NEK6: variants seen among roughly 807,000 people sequenced by gnomAD.
NEK6 encodes NIMA related kinase 6.
NEK6 carries 27 observed loss-of-function variants against 43.5 expected under a neutral mutation model. The ratio of observed to expected loss-of-function variants is 0.62; its 90% CI spans 0.46 to 0.86. NEK6 has a LOEUF of 0.86. Ranked by LOEUF, NEK6 falls within the 40% of genes least tolerant of loss-of-function variation. NEK6 has a pLI of 0.00. For synonymous variants in NEK6, 167 were observed against 164.1 expected (o/e 1.02, Z -0.14); for missense variants, 318 against 414.4 (o/e 0.77, Z 2.02).
At chr9:124,318,012 C>T (rs1466597242) in intron 4 of NEK6, among the ~76,000 whole-genome samples, 2 of 152,152 alleles carry the variant, frequency 1.3e-5, no homozygotes, top group Non-Finnish European at 2.9e-5. Flanking sequence ...TTTGGTAGAA[C>T]CATTTATATT....
At chr9:124,341,429 CAA>C (rs1177722142) in intron 8 of NEK6, among the ~76,000 whole-genome samples, 1 of 6,056 alleles carries the variant, frequency 1.7e-4, no homozygotes, top group Non-Finnish European at 2.2e-3. Flanking sequence ...ATGCAGGTGA[CAA>C]GAGGGTGGGA....
At chr9:124,310,029 G>C (rs1323114584) in intron 2 of NEK6, among the ~76,000 whole-genome samples, 1 of 152,206 alleles carries the variant, frequency 6.6e-6, no homozygotes, top group Non-Finnish European at 1.5e-5. Flanking sequence ...GCTGGAGCAG[G>C]AAGTGGCAGG....
Position 124,290,420 on chromosome 9 carries a change from T to C in NEK6, c.-29-11516T>C, listed in dbSNP as rs1832362974. Among the ~76,000 whole-genome samples, 5 of 152,206 alleles carry C rather than the reference T, an allele frequency of 3.3e-5. No homozygotes were observed. The South Asian group carries it at 8.3e-4, about 25-fold the overall frequency. ...CTGGCACCTGGCATGTGCCCGACAG[T>C]TGGGGCCGGCTGGTGGGAAGGTGTG... On this transcript the variant is annotated intron_variant, in intron 1 of 9. Transcript: ENST00000320246.
At chr9:124,276,304 G>C (rs1369632267) in intron 1 of NEK6, among the ~76,000 whole-genome samples, 1 of 152,118 alleles carries the variant, frequency 6.6e-6, no homozygotes, top group African/African-American at 2.4e-5. Flanking sequence ...GGTGACTGGG[G>C]CAAGGGTGGG....
intron 1 of NEK6, 169 bp downstream of exon 1, chr9:124,258,254 C>A: frequency 2.0e-6 from 2 of 983,278 alleles, no homozygotes; most frequent in Non-Finnish European, 1.2e-6. Context: ...CGGGGCTGAG[C>A]GTGTCGGCGG....
intron 5 of NEK6, among the ~76,000 whole-genome samples, chr9:124,323,039 G>T (rs1033986945): frequency 1.5e-4 from 11 of 71,776 alleles, no homozygotes; most frequent in Admixed American, 1.4e-3. Context: ...CCTTCACACG[G>T]ATTCCCTTGC....
intron 8 of NEK6, among the ~76,000 whole-genome samples, chr9:124,341,104 G>A (rs1192135273): frequency 6.6e-6 from 1 of 152,014 alleles, no homozygotes; most frequent in African/African-American, 2.4e-5. Context: ...GGGCAGTGGC[G>A]CAATCTCGGC....
intron 7 of NEK6, among the ~76,000 whole-genome samples, chr9:124,332,745 C>T (rs943272078): frequency 1.3e-5 from 2 of 152,194 alleles, no homozygotes; most frequent in Admixed American, 6.5e-5. Context: ...ACAGGACCGG[C>T]GCATCTTGGG....
At chr9:124,347,902 C>G in intron 9 of NEK6, 80 bp downstream of exon 9, 1 of 804,342 alleles carries the variant, frequency 1.2e-6, no homozygotes, top group East Asian at 2.6e-5. Context: ...AACACCACAG[C>G]TGTGGGGCTG....
rs573112423 is a variant in NEK6, at chr9:124,295,988, G to A, written c.-29-5948G>A. The stretch of plus-strand genomic sequence containing the variant: ...TGTCTTGGGAGATGCCGTTTCACCC[G>A]TGGATGTTGGCTGATGTTGAAGTTG... On this transcript the variant is annotated intron_variant, in intron 1 of 9. Transcript: ENST00000320246. Among the ~76,000 whole-genome samples the A allele has an allele frequency of 7.9e-5, 12 of 152,372 alleles. No homozygotes were observed. In the East Asian group the frequency reaches 1.2e-3, roughly 15 times the overall value.
rs959584389 is a variant in NEK6, at chr9:124,351,275, T to G, written c.*328T>G. 3.5e-5 allele frequency: 9 copies of G among 259,792 alleles called. No homozygotes were observed. The highest frequency in any genetic ancestry group is 6.8e-5 in the Non-Finnish European group (9 of 132,842). The allele number at this position is 259,792 out of a possible 1,614,324, so 16.1% of individuals were successfully genotyped here. A position where few individuals can be genotyped will look rare whatever the true frequency, so the allele number is the denominator to read the frequency against. ...TAATGTGAATCTTTAGGGTAATTCC[T>G]CCAGTGACCTGTCAAGGCTTATGCT... On this transcript the variant is annotated 3_prime_UTR_variant, in exon 10 of 10. Coordinates refer to ENST00000320246, the MANE Select transcript of NEK6 (RefSeq NM_014397.6).
chr9:124,302,481 C>A (rs1022356374), intron 2 of NEK6, among the ~76,000 whole-genome samples: 7 of 152,240 alleles, frequency 4.6e-5, no homozygotes, highest in Admixed American at 2.0e-4. Context: ...TTGGTCTTAA[C>A]TGTGTTTCAG....
chr9:124,283,076 G>A (rs1251421859), intron 1 of NEK6, among the ~76,000 whole-genome samples: 1 of 152,216 alleles, frequency 6.6e-6, no homozygotes, highest in African/African-American at 2.4e-5. Context: ...TTTCCGCCCT[G>A]ACAACTCCCT....
chr9:124,351,841 T>C lies in NEK6; in HGVS notation c.*894T>C, dbSNP rs1335633654. On this transcript the variant is annotated 3_prime_UTR_variant, in exon 10 of 10. Coordinates refer to ENST00000320246, the MANE Select transcript of NEK6 (RefSeq NM_014397.6). ...TGTACAATGAGATTAATAGTACCTATCATCTACCTTCAGGATTGCTGACAG... is the reference window on the plus strand; with the variant it reads ...TGTACAATGAGATTAATAGTACCTACCATCTACCTTCAGGATTGCTGACAG... 1.3e-5 allele frequency: 2 copies of C among 152,258 alleles called. No homozygotes were observed. Among genetic ancestry groups the C allele is most frequent in the Non-Finnish European group, 2.9e-5 (2 of 68,044 alleles). 9.4% of individuals were successfully genotyped at this position (152,258 alleles called of 1,614,324 possible). A position where few individuals can be genotyped will look rare whatever the true frequency, so the allele number is the denominator to read the frequency against.
chr9:124,318,717 G>A (rs1833931183), intron 4 of NEK6, among the ~76,000 whole-genome samples: 1 of 151,970 alleles, frequency 6.6e-6, no homozygotes, highest in Non-Finnish European at 1.5e-5. Flanking sequence ...AGCCACCCAG[G>A]CTGGAGTGCA....
At chr9:124,297,078 G>A (rs1007018262) in intron 1 of NEK6, among the ~76,000 whole-genome samples, 2 of 152,228 alleles carry the variant, frequency 1.3e-5, no homozygotes, top group East Asian at 1.9e-4. Context: ...TGATGAAGAC[G>A]TTTGCTCCAG....
At chr9:124,277,352 A>G (rs1234195634) in intron 1 of NEK6, among the ~76,000 whole-genome samples, 1 of 152,254 alleles carries the variant, frequency 6.6e-6, no homozygotes, top group Non-Finnish European at 1.5e-5. Flanking sequence ...AGGCTGAGGC[A>G]GGAGAATCTC....
In NEK6 at chr9:124,320,725, C is replaced by T. The variant is rs965443693; in HGVS notation, c.295-734C>T. On this transcript the variant is annotated intron_variant, in intron 4 of 9. Coordinates refer to ENST00000320246, the MANE Select transcript of NEK6 (RefSeq NM_014397.6). The stretch of plus-strand genomic sequence containing the variant: ...TGCAGCAAACATGCAGGCGGTGGTG[C>T]GAAGGACAGAGGCAGCGTCTCAGCA... 1.4e-4 allele frequency among the ~76,000 whole-genome samples: 21 copies of T among 152,168 alleles called. No homozygotes were observed. In the East Asian group the frequency reaches 2.7e-3, roughly 20 times the overall value.
At chr9:124,350,435 T>C (rs1830197182) in intron 9 of NEK6, among the ~76,000 whole-genome samples, 1 of 152,196 alleles carries the variant, frequency 6.6e-6, no homozygotes, top group South Asian at 2.1e-4. Flanking sequence ...AATGCGTTTA[T>C]TATGATCAAT....
Sources: allele counts gnomAD v4.1 joint callset (sites outside exome capture counted in the v4.1 genomes callset), GRCh38; gene constraint gnomAD v4.1.1; transcripts MANE v1.5; gene names NCBI Gene and HGNC (gene_info 2026-07-23, HGNC 2026-07-21).